CDK14: variants seen among roughly 807,000 people sequenced by gnomAD.
The protein encoded by CDK14 is cyclin-dependent kinase 14.
In CDK14, 34 loss-of-function variants were observed where a neutral mutation model predicts 60.7. The observed-to-expected ratio is 0.56, with a 90% confidence interval of 0.43 to 0.75. CDK14 has a LOEUF of 0.75. Among genes scored for constraint, CDK14 ranks in the 30% least tolerant of loss-of-function variants. The probability of loss-of-function intolerance (pLI) is 0.00; values close to 1 mark genes in which losing one functional copy is unlikely to be tolerated. For synonymous variants in CDK14, 197 were observed against 203.7 expected (o/e 0.97, Z 0.28); for missense variants, 482 against 564.1 (o/e 0.85, Z 1.47).
At chr7:90,963,094 T>A (rs868136068) in intron 9 of CDK14, among the ~76,000 whole-genome samples, 17 of 135,380 alleles carry the variant, frequency 1.3e-4, no homozygotes, top group East Asian at 2.0e-4. Flanking sequence ...AGAGTGTGTG[T>A]GTGTGTGTGT....
intron 10 of CDK14, among the ~76,000 whole-genome samples, chr7:91,021,912 A>G (rs1006888862): frequency 1.3e-5 from 2 of 152,208 alleles, no homozygotes; most frequent in African/African-American, 2.4e-5. Flanking sequence ...TTAGTATATG[A>G]AAGTGTGAGT....
chr7:90,803,556 C>A (rs1408741463), intron 5 of CDK14, among the ~76,000 whole-genome samples: 5 of 151,912 alleles, frequency 3.3e-5, no homozygotes. Context: ...GATAGTGGAA[C>A]CAGTAATGAG....
chr7:90,626,902 G>C (rs1451466996), intron 2 of CDK14, among the ~76,000 whole-genome samples: 1 of 150,140 alleles, frequency 6.7e-6, no homozygotes, highest in African/African-American at 2.5e-5. Context: ...TTGCACCATC[G>C]CACTCCAGTC....
intron 10 of CDK14, among the ~76,000 whole-genome samples, chr7:90,991,540 C>T (rs971360186): frequency 6.6e-6 from 1 of 152,106 alleles, no homozygotes; most frequent in South Asian, 2.1e-4. Context: ...AATACTTCAG[C>T]TCAGGTCTGT....
At chr7:90,697,981 T>C (rs1584800372) in intron 2 of CDK14, among the ~76,000 whole-genome samples, 2 of 138,510 alleles carry the variant, frequency 1.4e-5, no homozygotes, top group African/African-American at 2.7e-5. Flanking sequence ...GGCAGGAGAA[T>C]GGTGTGAACC....
intron 8 of CDK14, among the ~76,000 whole-genome samples, chr7:90,919,839 T>A (rs1395720900): frequency 6.6e-6 from 1 of 152,256 alleles, no homozygotes; most frequent in African/African-American, 2.4e-5. Flanking sequence ...GTACTGAACA[T>A]CCTTGTAGAG....
chr7:90,697,804 C>T (rs1426595705), intron 2 of CDK14, among the ~76,000 whole-genome samples: 3 of 152,092 alleles, frequency 2.0e-5, no homozygotes, highest in African/African-American at 4.8e-5. Context: ...CACGGTGGCT[C>T]ACACCTGTAA....
chr7:90,805,222 T>G (rs550303926), intron 5 of CDK14, among the ~76,000 whole-genome samples: 44 of 152,100 alleles, frequency 2.9e-4, no homozygotes, highest in Non-Finnish European at 3.4e-4. Context: ...ATAGCTACTA[T>G]AAGTTGCTTT....
intron 14 of CDK14, among the ~76,000 whole-genome samples, chr7:91,184,758 C>G (rs573039856): frequency 6.6e-6 from 1 of 152,074 alleles, no homozygotes; most frequent in South Asian, 2.1e-4. Flanking sequence ...AGCATAAGCA[C>G]GGAATCAAGG....
At chr7:90,671,508 TCAAAA>T in intron 2 of CDK14, among the ~76,000 whole-genome samples, 1 of 152,172 alleles carries the variant, frequency 6.6e-6, no homozygotes, top group Admixed American at 6.5e-5. Flanking sequence ...GCAGTGGCAC[TCAAAA>T]TCTTTATATA....
rs201793706 is a variant in CDK14, at chr7:90,917,191, A to G, written c.703-410A>G. 2.5e-4 allele frequency among the ~76,000 whole-genome samples: 38 copies of G among 152,332 alleles called. 1 individual carries two copies. The East Asian group carries it at 7.1e-3, about 29-fold the overall frequency. ...TGTTTCTATGGAATTAAATATGTGC[A>G]TATTGATATAAACCCTTGGTAAACA... On this transcript the variant is annotated intron_variant, in intron 7 of 14. Transcript: ENST00000380050.
At chr7:90,836,100 G>A (rs2117127229) in intron 5 of CDK14, among the ~76,000 whole-genome samples, 1 of 152,066 alleles carries the variant, frequency 6.6e-6, no homozygotes, top group South Asian at 2.1e-4. Context: ...GAATATGAAG[G>A]CCTACTATAC....
At chr7:90,868,780 T>G (rs1044329165) in intron 6 of CDK14, among the ~76,000 whole-genome samples, 1 of 152,186 alleles carries the variant, frequency 6.6e-6, no homozygotes, top group Non-Finnish European at 1.5e-5. Flanking sequence ...TGAAGTATTT[T>G]ATCGATGAGG....
At chr7:90,720,514 T>C (rs1257126696) in intron 2 of CDK14, among the ~76,000 whole-genome samples, 1 of 152,146 alleles carries the variant, frequency 6.6e-6, no homozygotes, top group Non-Finnish European at 1.5e-5. Context: ...GAAAACCAAT[T>C]TGTTTCTATT....
chr7:90,747,891 C>T (rs1208755032), intron 4 of CDK14, 116 bp downstream of exon 4: 26 of 334,452 alleles, frequency 7.8e-5, no homozygotes, highest in African/African-American at 4.6e-5. Context: ...TCCTCCCTCA[C>T]GGTATCCTTT....
intron 4 of CDK14, among the ~76,000 whole-genome samples, chr7:90,778,230 C>A (rs552435540): frequency 1.3e-5 from 2 of 152,310 alleles, no homozygotes; most frequent in Admixed American, 6.5e-5. Context: ...AATCTTTCAT[C>A]CTTTAATTTC....
rs370623712 is a variant in CDK14 at position 90,614,895 on chromosome 7, C to T, written c.123+10646C>T. Among the ~76,000 whole-genome samples the T allele has an allele frequency of 9.4e-4, 143 of 152,090 alleles. 1 individual carries two copies. Among genetic ancestry groups the T allele is most frequent in the African/African-American group, 3.2e-3 (131 of 41,486 alleles). ...TGTGACCTGGGTGTTCCACGAGCAT[C>T]CTAAACTTAGGCTGGGGATATGGAA... On this transcript the variant is annotated intron_variant, in intron 2 of 14. Coordinates refer to ENST00000380050, the MANE Select transcript of CDK14 (RefSeq NM_001287135.2).
chr7:91,134,768 G>A (rs759126270), intron 14 of CDK14, among the ~76,000 whole-genome samples: 14 of 151,940 alleles, frequency 9.2e-5, no homozygotes, highest in African/African-American at 1.5e-4. Flanking sequence ...CCAGTGACTC[G>A]GGAGGCTGAG....
chr7:90,854,720 T>C (rs188101756), intron 5 of CDK14, among the ~76,000 whole-genome samples: 1 of 151,910 alleles, frequency 6.6e-6, no homozygotes, highest in East Asian at 1.9e-4. Flanking sequence ...CCATGTGTAA[T>C]AAAGTATAAA....
Sources: gnomAD v4.1 joint callset for allele counts (sites outside exome capture counted in the v4.1 genomes callset) on GRCh38, gnomAD v4.1.1 for gene constraint, MANE v1.5 for transcripts, NCBI Gene and HGNC (gene_info 2026-07-23, HGNC 2026-07-21) for gene names.